The following OR56A3 variants were observed in gnomAD, a reference collection of about 807,000 sequenced individuals.
OR56A3 encodes olfactory receptor 56A3.
In OR56A3, 23 loss-of-function variants were observed where a neutral mutation model predicts 17.5. The ratio of observed to expected loss-of-function variants is 1.32; its 90% CI spans 0.95 to 1.87. OR56A3 has a LOEUF of 1.87. OR56A3 is among the 40% of genes most tolerant of loss of function. The pLI is 0.00. For synonymous variants in OR56A3, 175 were observed against 150.6 expected (o/e 1.16, Z -1.19); for missense variants, 366 against 380.1 (o/e 0.96, Z 0.31).
chr11:5,954,068 T>C (rs554233504), downstream of OR56A3, among the ~76,000 whole-genome samples: 1 of 152,276 alleles, frequency 6.6e-6, no homozygotes, highest in East Asian at 1.9e-4. Flanking sequence ...ACCTGTGCTA[T>C]TGAACCAAAG....
At chr11:5,991,384 C>G in the OR56A3 span, among the ~76,000 whole-genome samples, 21 of 152,176 alleles carry the variant, frequency 1.4e-4, no homozygotes. Flanking sequence ...CTCCCTTTCC[C>G]CCACTGTCAT....
chr11:5,974,255 C>T, the OR56A3 span, among the ~76,000 whole-genome samples: 1 of 151,968 alleles, frequency 6.6e-6, no homozygotes, highest in African/African-American at 2.4e-5. Context: ...TACAGGCATC[C>T]ACCACCACGC....
chr11:5,971,679 T>A, the OR56A3 span, among the ~76,000 whole-genome samples: 2 of 152,216 alleles, frequency 1.3e-5, no homozygotes, highest in Admixed American at 6.5e-5. Flanking sequence ...TTTGATATAT[T>A]GTTAACAACT....
the OR56A3 span, chr11:6,002,511 G>T: frequency 6.2e-7 from 1 of 1,614,116 alleles, no homozygotes; most frequent in Admixed American, 1.7e-5. Context: ...CATGGGAACA[G>T]GAAGAGAAAC....
chr11:5,985,704 A>G, the OR56A3 span, among the ~76,000 whole-genome samples: 6 of 152,240 alleles, frequency 3.9e-5, no homozygotes, highest in Non-Finnish European at 5.9e-5. Context: ...CAAGGAGTAG[A>G]GAAATGTTGA....
At chr11:6,000,048 A>C in the OR56A3 span, 1 of 152,178 alleles carries the variant, frequency 6.6e-6, no homozygotes, top group South Asian at 2.1e-4. Context: ...TGTGGAAGTC[A>C]GTGTGGAGAT....
chr11:6,010,502 C>G, the OR56A3 span, among the ~76,000 whole-genome samples: 1 of 152,138 alleles, frequency 6.6e-6, no homozygotes, highest in Non-Finnish European at 1.5e-5. Context: ...TTTTTGCCTC[C>G]TTTTGCAGTT....
At chr11:6,002,631 A>G in the OR56A3 span, 4 of 1,614,264 alleles carry the variant, frequency 2.5e-6, no homozygotes, top group Non-Finnish European at 3.4e-6. Flanking sequence ...GTCATAGGCC[A>G]TGACCATGAA....
the OR56A3 span, among the ~76,000 whole-genome samples, chr11:6,012,195 A>G: frequency 6.6e-6 from 1 of 152,214 alleles, no homozygotes; most frequent in Non-Finnish European, 1.5e-5. Context: ...TATACAGACA[A>G]GCGGAGGTTG....
chr11:5,987,871 T>G, the OR56A3 span, among the ~76,000 whole-genome samples: 2 of 152,138 alleles, frequency 1.3e-5, no homozygotes, highest in Non-Finnish European at 2.9e-5. Context: ...CCCAATTCAC[T>G]CTCAACCCTG....
intron 2 of OR56A3, 48 bp from the exon 3 acceptor site, chr11:5,947,263 C>A: frequency 1.6e-6 from 2 of 1,258,004 alleles, no homozygotes; most frequent in African/African-American, 1.5e-5. Flanking sequence ...ATTGTGCTAT[C>A]TTTGTGTATC....
the OR56A3 span, among the ~76,000 whole-genome samples, chr11:6,012,265 G>A: frequency 1.3e-5 from 2 of 152,226 alleles, no homozygotes; most frequent in Non-Finnish European, 2.9e-5. Context: ...CCTGAAGTGG[G>A]CAGTTCCTTT....
chr11:5,962,726 G>T, the OR56A3 span, among the ~76,000 whole-genome samples: 1 of 151,984 alleles, frequency 6.6e-6, no homozygotes, highest in Non-Finnish European at 1.5e-5. Context: ...TTTTAGTAGA[G>T]ATGGGGTTTC....
At chr11:5,977,371 T>C in the OR56A3 span, among the ~76,000 whole-genome samples, 1,726 of 152,284 alleles carry the variant, frequency 0.011, 45 homozygotes, top group African/African-American at 0.038. Flanking sequence ...ATCTTGCCAC[T>C]ATCTGTTACT....
chr11:5,945,539 G>A (rs1009707871), intron 2 of OR56A3, among the ~76,000 whole-genome samples: 10 of 139,006 alleles, frequency 7.2e-5, no homozygotes, highest in African/African-American at 2.5e-4. Flanking sequence ...CAGAGATCAC[G>A]CCATTGCACT....
At chr11:5,963,930 A>G in the OR56A3 span, among the ~76,000 whole-genome samples, 13 of 151,932 alleles carry the variant, frequency 8.6e-5, no homozygotes, top group African/African-American at 2.9e-4. Flanking sequence ...ATATTTTTCA[A>G]TAACCTACTT....
chr11:5,998,620 G>T, the OR56A3 span, among the ~76,000 whole-genome samples: 2 of 152,152 alleles, frequency 1.3e-5, no homozygotes, highest in East Asian at 3.9e-4. Flanking sequence ...AGTTGCAGAA[G>T]TTATTCTACC....
chr11:5,976,600 G>A, the OR56A3 span, among the ~76,000 whole-genome samples: 1 of 151,902 alleles, frequency 6.6e-6, no homozygotes, highest in African/African-American at 2.4e-5. Context: ...TTCCTTCATA[G>A]TTCTTACTCG....
the OR56A3 span, among the ~76,000 whole-genome samples, chr11:6,015,308 A>G: frequency 6.6e-6 from 1 of 152,188 alleles, no homozygotes. Context: ...GCTGCCCTGC[A>G]CAGCCTGGGG....
Sources: gnomAD v4.1 joint callset for allele counts (sites outside exome capture counted in the v4.1 genomes callset) on GRCh38, gnomAD v4.1.1 for gene constraint, MANE v1.5 for transcripts, NCBI Gene and HGNC (gene_info 2026-07-23, HGNC 2026-07-21) for gene names.